CNTNAP5: variants seen among roughly 807,000 people sequenced by gnomAD.
CNTNAP5 encodes the protein contactin-associated protein-like 5.
A neutral mutation model predicts 150.2 loss-of-function variants in CNTNAP5; 72 were observed. The observed-to-expected ratio is 0.48, with a 90% CI of 0.40 to 0.58. CNTNAP5 has a LOEUF of 0.58. Ranked by LOEUF, CNTNAP5 falls within the 20% of genes least tolerant of loss-of-function variation. The probability of loss-of-function intolerance (pLI) is 0.00; values close to 1 mark genes in which losing one functional copy is unlikely to be tolerated. For missense variants in CNTNAP5, 1,636 were observed against 1,626.2 expected, an observed-to-expected ratio of 1.01 and a Z score of -0.10; for synonymous variants, 672 against 619.8, an observed-to-expected ratio of 1.08 and a Z score of -1.25.
At chr2:124,358,459 T>C (rs1690090109) in intron 3 of CNTNAP5, among the ~76,000 whole-genome samples, 1 of 152,220 alleles carries the variant, frequency 6.6e-6, no homozygotes, top group South Asian at 2.1e-4. Flanking sequence ...ATAGCTCTTA[T>C]TATTTTGTAA....
At chr2:124,618,281 C>T (rs527336378) in intron 12 of CNTNAP5, among the ~76,000 whole-genome samples, 20 of 152,030 alleles carry the variant, frequency 1.3e-4, no homozygotes, top group Non-Finnish European at 2.5e-4. Flanking sequence ...AAAAGATGAG[C>T]AACAGACTAA....
chr2:124,517,089 G>A (rs1694735849), intron 8 of CNTNAP5, among the ~76,000 whole-genome samples: 1 of 152,182 alleles, frequency 6.6e-6, no homozygotes, highest in African/African-American at 2.4e-5. Context: ...GTAATGGAAG[G>A]TTGTGGCATT....
intron 12 of CNTNAP5, among the ~76,000 whole-genome samples, chr2:124,645,518 C>T (rs950946543): frequency 2.0e-5 from 3 of 152,052 alleles, no homozygotes; most frequent in Non-Finnish European, 4.4e-5. Context: ...CAGTGAGCCA[C>T]GATCGTGCCA....
intron 1 of CNTNAP5, among the ~76,000 whole-genome samples, chr2:124,163,422 AT>A: frequency 6.6e-6 from 1 of 152,228 alleles, no homozygotes; most frequent in Non-Finnish European, 1.5e-5. Context: ...GAGAGTTTTC[AT>A]TTACTGCAAA....
chr2:124,822,522 C>T (rs753259603), intron 19 of CNTNAP5, among the ~76,000 whole-genome samples: 25 of 152,180 alleles, frequency 1.6e-4, no homozygotes, highest in Non-Finnish European at 2.9e-4. Context: ...TACCAGTCCC[C>T]TTCCAACGAG....
chr2:124,060,694 T>A (rs1681986140), intron 1 of CNTNAP5, among the ~76,000 whole-genome samples: 1 of 152,176 alleles, frequency 6.6e-6, no homozygotes, highest in African/African-American at 2.4e-5. Context: ...AGAACAAGCA[T>A]TTCTTACAGA....
chr2:124,563,470 A>T, intron 11 of CNTNAP5, 147 bp downstream of exon 11: 1 of 600,584 alleles, frequency 1.7e-6, no homozygotes, highest in Non-Finnish European at 3.0e-6. Context: ...TATACCAAAC[A>T]CTTTGTTGGG....
intron 3 of CNTNAP5, among the ~76,000 whole-genome samples, chr2:124,414,132 T>C (rs1691855067): frequency 6.6e-6 from 1 of 151,744 alleles, no homozygotes; most frequent in Non-Finnish European, 1.5e-5. Flanking sequence ...TTTTTTTTTT[T>C]TTTCTGATGA....
At chr2:124,136,179 T>C (rs1057202091) in intron 1 of CNTNAP5, among the ~76,000 whole-genome samples, 1 of 152,242 alleles carries the variant, frequency 6.6e-6, no homozygotes, top group African/African-American at 2.4e-5. Flanking sequence ...ATATAGTCTA[T>C]GTCTTTTCCA....
At chr2:124,787,967 G>C (rs557386617) in intron 17 of CNTNAP5, among the ~76,000 whole-genome samples, 4 of 152,258 alleles carry the variant, frequency 2.6e-5, no homozygotes, top group Admixed American at 1.3e-4. Flanking sequence ...ATGACAAGTT[G>C]GTCCTGACCT....
chr2:124,232,035 T>A (rs1277508650), intron 2 of CNTNAP5, among the ~76,000 whole-genome samples: 4 of 152,138 alleles, frequency 2.6e-5, no homozygotes, highest in African/African-American at 9.7e-5. Context: ...GTCACTTCCT[T>A]TGAAAGGCCA....
In CNTNAP5 at chr2:124,674,554, C is replaced by CTTT. The variant is rs1573539643; in HGVS notation, c.2077+26596_2077+26597insTTT. ...TTCTTTCTTTCTTTCTTTCTTTCTT[C>CTTT]CTTTCTTCCTTTCTTTCTTTCTTTT... is the stretch of plus-strand genomic sequence containing the variant. On this transcript the variant is annotated intron_variant, in intron 13 of 23. Transcript: ENST00000682447. Among the ~76,000 whole-genome samples, 6 of 61,550 alleles carry CTTT rather than the reference C, an allele frequency of 9.7e-5. No homozygotes were observed. In the East Asian group the frequency reaches 1.9e-3, roughly 20 times the overall value. The allele number at this position is 61,550 out of a possible 152,430, so 40.4% of individuals were successfully genotyped here.
At position 124,312,538 on chromosome 2, in the gene CNTNAP5, T is replaced by TG. The variant is rs562584875; in HGVS notation, c.381+70150dup. Reference sequence around the variant, plus strand: ...TGCCACCACACCCAACTAATTTTTGTGGGGGTTTTTTTGTTTGTTTATTTG... The same window carrying TG: ...TGCCACCACACCCAACTAATTTTTGTGGGGGGTTTTTTTGTTTGTTTATTTG... On this transcript the variant is annotated intron_variant, in intron 3 of 23. Transcript: ENST00000682447. 1.7e-3 allele frequency among the ~76,000 whole-genome samples: 264 copies of TG among 150,950 alleles called. 2 individuals are homozygous for TG. The highest frequency in any genetic ancestry group is 3.0e-3 in the Non-Finnish European group (204 of 67,804).
chr2:124,620,745 G>GCACACACA (rs3039903), intron 12 of CNTNAP5, among the ~76,000 whole-genome samples: 6 of 103,714 alleles, frequency 5.8e-5, no homozygotes, highest in African/African-American at 1.7e-4. Context: ...ACACACACAT[G>GCACACACA]CACACACACA....
intron 2 of CNTNAP5, among the ~76,000 whole-genome samples, chr2:124,239,871 T>G (rs1686843027): frequency 6.6e-6 from 1 of 152,134 alleles, no homozygotes; most frequent in Non-Finnish European, 1.5e-5. Flanking sequence ...GAATGGGAAT[T>G]GTGAATATGT....
chr2:124,869,711 C>T lies in CNTNAP5; in HGVS notation c.3385C>T (p.Pro1129Ser). Residue 1129 changes from proline to serine, a missense_variant, in exon 21 of 24, where the codon CCG becomes TCG. By Grantham distance (74) the Pro-to-Ser change is moderately conservative. Transcript: ENST00000682447. ...QQLRLSYNFSPEVEFRVIRSL... is the reference protein window; with the variant it reads ...QQLRLSYNFSSEVEFRVIRSL... ...ACTTCGACTCAGTTATAACTTCTCT[C>T]CGGAAGTAGAGTTCAGGGTTATAAG... is the stretch of plus-strand genomic sequence containing the variant. 1 of 1,612,278 alleles carries T rather than the reference C, an allele frequency of 6.2e-7. No individual in the cohort carries two copies. The highest frequency in any genetic ancestry group is 1.1e-5 in the South Asian group (1 of 90,966).
chr2:124,084,349 C>G (rs1682629105), intron 1 of CNTNAP5, among the ~76,000 whole-genome samples: 1 of 152,008 alleles, frequency 6.6e-6, no homozygotes, highest in African/African-American at 2.4e-5. Context: ...TCACTTCAGC[C>G]TGGACTTCCT....
chr2:124,093,078 G>A (rs551661289), intron 1 of CNTNAP5, among the ~76,000 whole-genome samples: 26 of 152,216 alleles, frequency 1.7e-4, no homozygotes, highest in African/African-American at 6.3e-4. Context: ...ATTTCTCCAG[G>A]GGCTCTGTGT....
intron 21 of CNTNAP5, among the ~76,000 whole-genome samples, chr2:124,895,560 G>C (rs1678286529): frequency 1.3e-5 from 2 of 151,522 alleles, no homozygotes; most frequent in South Asian, 4.1e-4. Context: ...GGGAGGATGA[G>C]GCTGCAGTGA....
Sources: gnomAD v4.1 joint callset for allele counts (sites outside exome capture counted in the v4.1 genomes callset) on GRCh38, gnomAD v4.1.1 for gene constraint, MANE v1.5 for transcripts, NCBI Gene and HGNC (gene_info 2026-07-23, HGNC 2026-07-21) for gene names.